NUMB: variants seen among roughly 807,000 people sequenced by gnomAD.
NUMB encodes the protein protein numb homolog.
Under a neutral mutation model 59.7 loss-of-function variants are expected in NUMB, and 29 were observed. The observed-to-expected ratio is 0.49, with a 90% CI of 0.36 to 0.66. The LOEUF is 0.66. NUMB is among the 30% of genes least tolerant of loss of function. The pLI is 0.00. For missense variants in NUMB, 723 were observed against 822.0 expected (o/e 0.88, Z 1.47); for synonymous variants, 288 against 288.2 (o/e 1.00, Z 0.01).
intron 1 of NUMB, among the ~76,000 whole-genome samples, chr14:73,428,347 T>C (rs1191627975): frequency 3.9e-5 from 6 of 152,202 alleles, no homozygotes; most frequent in African/African-American, 1.2e-4. Context: ...TGGGCTCTTC[T>C]AATTCTGACA....
At chr14:73,307,056 T>C (rs1890476653) in intron 6 of NUMB, among the ~76,000 whole-genome samples, 1 of 152,136 alleles carries the variant, frequency 6.6e-6, no homozygotes, top group Non-Finnish European at 1.5e-5. Flanking sequence ...ACCCCTATAA[T>C]CCCAGCACTT....
At chr14:73,364,559 T>C (rs1476678005) in intron 3 of NUMB, among the ~76,000 whole-genome samples, 1 of 152,110 alleles carries the variant, frequency 6.6e-6, no homozygotes, top group Non-Finnish European at 1.5e-5. Context: ...CATATATATA[T>C]AGCAAACCTT....
intron 6 of NUMB, among the ~76,000 whole-genome samples, chr14:73,316,010 C>T (rs1325518478): frequency 6.6e-6 from 1 of 152,086 alleles, no homozygotes. Context: ...CCTCAGCCTC[C>T]CGAGTAGCTG....
chr14:73,438,555 C>G (rs928638885), intron 1 of NUMB, among the ~76,000 whole-genome samples: 3 of 147,066 alleles, frequency 2.0e-5, no homozygotes, highest in African/African-American at 7.5e-5. Flanking sequence ...CGCTTGACCC[C>G]GGGAGGCAGA....
chr14:73,289,383 G>T (rs1007753042), intron 8 of NUMB, among the ~76,000 whole-genome samples: 1 of 152,196 alleles, frequency 6.6e-6, no homozygotes, highest in African/African-American at 2.4e-5. Flanking sequence ...TTTTAGCAGG[G>T]TTATCTGTAT....
At chr14:73,364,152 T>C (rs1894224039) in intron 3 of NUMB, among the ~76,000 whole-genome samples, 1 of 152,126 alleles carries the variant, frequency 6.6e-6, no homozygotes, top group Non-Finnish European at 1.5e-5. Context: ...ACACAAAAAA[T>C]ATCTTGGCCT....
intron 6 of NUMB, among the ~76,000 whole-genome samples, chr14:73,307,535 TTAAGGAA>T (rs2139876095): frequency 1.3e-5 from 2 of 151,930 alleles, no homozygotes; most frequent in East Asian, 3.9e-4. Context: ...CCTGGTTTGT[TTAAGGAA>T]TACTGAGGAG....
At chr14:73,380,090 T>C (rs181784737) in intron 2 of NUMB, among the ~76,000 whole-genome samples, 209 of 152,254 alleles carry the variant, frequency 1.4e-3, no homozygotes, top group African/African-American at 4.7e-3. Context: ...GTCAGGGAGA[T>C]GGTCCACTTC....
At chr14:73,407,470 C>T (rs1417260293) in intron 2 of NUMB, among the ~76,000 whole-genome samples, 3 of 152,102 alleles carry the variant, frequency 2.0e-5, no homozygotes, top group South Asian at 2.1e-4. Context: ...ACAGCTTTCT[C>T]AATTACTGTA....
intron 2 of NUMB, among the ~76,000 whole-genome samples, chr14:73,376,430 C>G (rs1387593733): frequency 6.6e-6 from 1 of 151,638 alleles, no homozygotes; most frequent in Admixed American, 6.6e-5. Context: ...CATGAATAGG[C>G]AGACTCAATA....
In NUMB at chr14:73,275,839, T is replaced by TTTTA. The variant is rs760946093; in HGVS notation, c.*735_*738dup. On this transcript the variant is annotated 3_prime_UTR_variant, in exon 13 of 13. Coordinates refer to ENST00000555238, the MANE Select transcript of NUMB (RefSeq NM_001005743.2). ...GTCTGCAGCTTCCAGCCTTTCCTCT[T>TTTTA]TTTATTTCAGTAGGCATCAATGATA... 8 of 152,776 alleles carry TTTTA rather than the reference T, an allele frequency of 5.2e-5. No individual in the cohort carries two copies. In the East Asian group the frequency reaches 1.2e-3, roughly 22 times the overall value. 9.5% of individuals were successfully genotyped at this position (152,776 alleles called of 1,614,324 possible).
intron 4 of NUMB, among the ~76,000 whole-genome samples, chr14:73,333,748 C>G (rs1377518943): frequency 6.6e-6 from 1 of 151,990 alleles, no homozygotes; most frequent in Non-Finnish European, 1.5e-5. Context: ...TCCAATGTAT[C>G]TATTTTTTCT....
At chr14:73,299,602 T>C (rs555986739) in intron 6 of NUMB, among the ~76,000 whole-genome samples, 60 of 150,322 alleles carry the variant, frequency 4.0e-4, no homozygotes, top group East Asian at 1.2e-3. Context: ...ATATATATGA[T>C]ATGACATATA....
chr14:73,358,632 C>A (rs1594947156), intron 3 of NUMB, among the ~76,000 whole-genome samples: 1 of 143,054 alleles, frequency 7.0e-6, no homozygotes, highest in East Asian at 2.0e-4. Context: ...TTTTGACAAG[C>A]CCCTACCTGG....
intron 2 of NUMB, among the ~76,000 whole-genome samples, chr14:73,375,311 T>C (rs1426692999): frequency 6.6e-6 from 1 of 152,180 alleles, no homozygotes; most frequent in Non-Finnish European, 1.5e-5. Context: ...GAGACTTATG[T>C]TTATTACTTC....
chr14:73,292,735 G>A lies in NUMB; in HGVS notation c.449C>T (p.Thr150Ile). Residue 150 changes from threonine to isoleucine, a missense_variant and splice_region_variant, in exon 8 of 13, where the codon ACA becomes ATA. By Grantham distance (89) the Thr-to-Ile change is moderately conservative (BLOSUM62 -1). Around this residue, in one of 2 missense-constraint regions of NUMB, gnomAD observed 317 missense variants for 436.6 expected, o/e 0.73. Coordinates refer to ENST00000555238, the MANE Select transcript of NUMB (RefSeq NM_001005743.2). ...ICHCFMAVKD[T>I]GERLSHAVGC... ...GAAATACATATTTGCTGGACTCACT[G>A]TGTCCTTGACAGCCATGAAGCAGTG... 2 of 1,614,094 alleles carry A rather than the reference G, an allele frequency of 1.2e-6. No homozygotes were observed. Among genetic ancestry groups the A allele is most frequent in the African/African-American group, 1.3e-5 (1 of 75,048 alleles).
chr14:73,348,095 A>ATG (rs1310162748), intron 4 of NUMB, among the ~76,000 whole-genome samples: 4 of 152,128 alleles, frequency 2.6e-5, no homozygotes, highest in Non-Finnish European at 5.9e-5. Context: ...ACCATGGAAA[A>ATG]CCTTGTATTC....
chr14:73,326,204 C>T (rs1405167344), intron 4 of NUMB, among the ~76,000 whole-genome samples: 3 of 152,352 alleles, frequency 2.0e-5, no homozygotes, highest in South Asian at 2.1e-4. Flanking sequence ...AATTAGCATA[C>T]TCAGGACTTT....
intron 6 of NUMB, among the ~76,000 whole-genome samples, chr14:73,314,901 T>C (rs1159603854): frequency 2.6e-5 from 4 of 152,146 alleles, no homozygotes; most frequent in African/African-American, 9.7e-5. Context: ...AATTATCAAT[T>C]TCCTTAACAA....
Sources: gnomAD v4.1 joint callset for allele counts (sites outside exome capture counted in the v4.1 genomes callset) on GRCh38, gnomAD v4.1.1 for gene constraint, gnomAD v4.1.1 regional missense constraint, MANE v1.5 for transcripts, NCBI Gene and HGNC (gene_info 2026-07-23, HGNC 2026-07-21) for gene names.